The following RAB30 variants were observed in gnomAD, a reference collection of about 807,000 sequenced individuals.
The protein encoded by RAB30 is RAB30, member RAS oncogene family.
RAB30 carries 9 observed loss-of-function variants against 25.1 expected under a neutral mutation model. The ratio of observed to expected loss-of-function variants is 0.36; its 90% CI spans 0.22 to 0.63. The LOEUF (loss-of-function observed/expected upper bound fraction) is 0.63, where lower values mean the gene tolerates loss of function less well. Ranked by LOEUF, RAB30 falls within the 20% of genes least tolerant of loss-of-function variation. The pLI, the probability that RAB30 is intolerant of heterozygous loss-of-function variation, is 0.69. For missense variants in RAB30, 140 were observed against 243.5 expected, an observed-to-expected ratio of 0.58 and a Z score of 2.83; for synonymous variants, 77 against 86.4, an observed-to-expected ratio of 0.89 and a Z score of 0.60.
intron 1 of RAB30, among the ~76,000 whole-genome samples, chr11:83,070,192 A>G (rs757590523): frequency 5.3e-5 from 8 of 152,218 alleles, no homozygotes; most frequent in Non-Finnish European, 1.0e-4. Context: ...CCAGAAGAGC[A>G]GAGCGTCATC....
At chr11:83,020,021 G>T (rs898968696) in intron 1 of RAB30, among the ~76,000 whole-genome samples, 1 of 152,258 alleles carries the variant, frequency 6.6e-6, no homozygotes, top group African/African-American at 2.4e-5. Flanking sequence ...ATGTTCCATG[G>T]AGCTGGCGAG....
chr11:82,997,426 T>C (rs1351695555), intron 1 of RAB30, 102 bp from the exon 2 acceptor site: 3 of 800,808 alleles, frequency 3.7e-6, no homozygotes, highest in Non-Finnish European at 6.2e-6. Context: ...GTCTGACTCA[T>C]TTAAAGAGCA....
In RAB30 at chr11:82,974,291, G is replaced by A. The variant is rs1005211543; in HGVS notation, c.*7874C>T. The stretch of plus-strand genomic sequence containing the variant: ...TAAAAAGAGATGCAACTTCATTTAA[G>A]AATATTTTGTTCAAGTTTGTATTCC... On this transcript the variant is annotated 3_prime_UTR_variant, in exon 5 of 5. Coordinates refer to ENST00000527633, the MANE Select transcript of RAB30 (RefSeq NM_001286060.2). The A allele has an allele frequency of 2.0e-5, 3 of 152,100 alleles. No individual in the cohort carries two copies. The highest frequency in any genetic ancestry group is 1.9e-4 in the East Asian group (1 of 5,198). 9.4% of individuals were successfully genotyped at this position (152,100 alleles called of 1,614,324 possible).
At chr11:82,983,608 T>A (rs1052727024) in intron 4 of RAB30, among the ~76,000 whole-genome samples, 1 of 152,048 alleles carries the variant, frequency 6.6e-6, no homozygotes, top group Admixed American at 6.6e-5. Context: ...ATTTTTTTTT[T>A]TTATTTTTTG....
chr11:82,995,694 AAT>A (rs1856942506), intron 2 of RAB30, among the ~76,000 whole-genome samples: 2 of 152,304 alleles, frequency 1.3e-5, no homozygotes, highest in South Asian at 4.2e-4. Flanking sequence ...TTTCACATCT[AAT>A]GACAGAGTTT....
chr11:82,989,507 GC>G (rs1231092375), intron 3 of RAB30, among the ~76,000 whole-genome samples: 1 of 152,180 alleles, frequency 6.6e-6, no homozygotes, highest in Non-Finnish European at 1.5e-5. Flanking sequence ...TGGGACAAAG[GC>G]TATTTCTCTT....
rs1182859966 is a variant in RAB30, at chr11:82,975,377, C to G, written c.*6788G>C. 6.6e-6 allele frequency: 1 copy of G among 152,120 alleles called. No homozygotes were observed. Among genetic ancestry groups the G allele is most frequent in the Non-Finnish European group, 1.5e-5 (1 of 67,992 alleles). 9.4% of individuals were successfully genotyped at this position (152,120 alleles called of 1,614,324 possible). ...TGTGTAACCTTAAACAAAAACTGTG[C>G]ATTATTCAACCAGCTAGTGACAAAT... On this transcript the variant is annotated 3_prime_UTR_variant, in exon 5 of 5. Coordinates refer to ENST00000527633, the MANE Select transcript of RAB30 (RefSeq NM_001286060.2).
At chr11:83,037,299 G>T (rs1858007531) in intron 1 of RAB30, among the ~76,000 whole-genome samples, 1 of 152,096 alleles carries the variant, frequency 6.6e-6, no homozygotes, top group Non-Finnish European at 1.5e-5. Context: ...ACCCAGGCTG[G>T]ACTACAGTGG....
At chr11:83,037,447 G>A (rs925145570) in intron 1 of RAB30, among the ~76,000 whole-genome samples, 2 of 151,964 alleles carry the variant, frequency 1.3e-5, no homozygotes, top group Non-Finnish European at 2.9e-5. Context: ...ACAGGGTTTC[G>A]CCATGTTGGC....
chr11:82,997,415 G>C, intron 1 of RAB30, 91 bp from the exon 2 acceptor site: 1 of 888,554 alleles, frequency 1.1e-6, no homozygotes, highest in South Asian at 1.4e-5. Context: ...CGGGGGAACA[G>C]GTCTGACTCA....
chr11:83,007,975 A>G (rs1361309683), intron 1 of RAB30, among the ~76,000 whole-genome samples: 1 of 152,194 alleles, frequency 6.6e-6, no homozygotes, highest in African/African-American at 2.4e-5. Context: ...CCAACAATAA[A>G]CAATACCACT....
chr11:83,022,401 C>T (rs1857601855), intron 1 of RAB30, among the ~76,000 whole-genome samples: 1 of 152,148 alleles, frequency 6.6e-6, no homozygotes. Context: ...TCAAGTGATC[C>T]TCCTGCCTCA....
At chr11:83,041,556 G>A (rs941369266) in intron 1 of RAB30, 2 of 182,842 alleles carry the variant, frequency 1.1e-5, no homozygotes, top group Admixed American at 1.2e-4. Context: ...TGAACACCAG[G>A]CCCCAAAGAG....
chr11:83,061,232 CT>C (rs1858568638), intron 1 of RAB30, among the ~76,000 whole-genome samples: 1 of 152,122 alleles, frequency 6.6e-6, no homozygotes. Flanking sequence ...CTCTCTCTCT[CT>C]TTCTCCCTCT....
chr11:82,989,649 A>C (rs1856811386), intron 3 of RAB30, among the ~76,000 whole-genome samples: 1 of 152,254 alleles, frequency 6.6e-6, no homozygotes, highest in African/African-American at 2.4e-5. Flanking sequence ...TCAGTATTAG[A>C]AATCAGTGTG....
At chr11:83,001,267 C>T (rs1431530884) in intron 1 of RAB30, among the ~76,000 whole-genome samples, 1 of 152,166 alleles carries the variant, frequency 6.6e-6, no homozygotes, top group Non-Finnish European at 1.5e-5. Context: ...GTGGCGCGAT[C>T]ATGGATCAAG....
rs1371219713 is a variant in RAB30 at position 82,975,710 on chromosome 11, A to T, written c.*6455T>A. The T allele has an allele frequency of 6.6e-6, 1 of 152,184 alleles. No individual in the cohort carries two copies. The highest frequency in any genetic ancestry group is 1.5e-5 in the Non-Finnish European group (1 of 68,012). 9.4% of individuals were successfully genotyped at this position (152,184 alleles called of 1,614,324 possible). Reference sequence around the variant, plus strand: ...CTAAAGAATCAAAGTATGTATATATAACTGAAGAGTTAATCAACAGTAAGA... The same window carrying T: ...CTAAAGAATCAAAGTATGTATATATTACTGAAGAGTTAATCAACAGTAAGA... On this transcript the variant is annotated 3_prime_UTR_variant, in exon 5 of 5. Transcript: ENST00000527633.
chr11:83,040,105 C>T (rs1590869932), intron 1 of RAB30, among the ~76,000 whole-genome samples: 1 of 152,258 alleles, frequency 6.6e-6, no homozygotes, highest in East Asian at 1.9e-4. Flanking sequence ...AAGAAAGAAA[C>T]AGGAGGACCA....
chr11:83,034,748 T>C (rs1453625249), intron 1 of RAB30: 4 of 152,092 alleles, frequency 2.6e-5, no homozygotes, highest in Admixed American at 1.3e-4. Context: ...TGCTCTGATC[T>C]CATTTCATCC....
Sources: gnomAD v4.1 joint callset for allele counts (sites outside exome capture counted in the v4.1 genomes callset) on GRCh38, gnomAD v4.1.1 for gene constraint, MANE v1.5 for transcripts, NCBI Gene and HGNC (gene_info 2026-07-23, HGNC 2026-07-21) for gene names.